Variants in SEPTIN11 observed in about 807,000 individuals in gnomAD.
SEPTIN11 encodes septin 11, also known as septin-11.
SEPTIN11 carries 25 observed loss-of-function variants against 51.4 expected under a neutral mutation model. The ratio of observed to expected loss-of-function variants is 0.49; its 90% confidence interval spans 0.35 to 0.68. The LOEUF (loss-of-function observed/expected upper bound fraction) is 0.68, where lower values mean the gene tolerates loss of function less well. Among genes scored for constraint, SEPTIN11 ranks in the 30% least tolerant of loss-of-function variants. The probability of loss-of-function intolerance (pLI) is 0.00; values close to 1 mark genes in which losing one functional copy is unlikely to be tolerated. For missense variants in SEPTIN11, 381 were observed against 520.8 expected (o/e 0.73, Z 2.61); for synonymous variants, 174 against 184.1 (o/e 0.95, Z 0.44).
intron 1 of SEPTIN11, among the ~76,000 whole-genome samples, chr4:76,981,266 A>C (rs890960865): frequency 1.3e-5 from 2 of 152,242 alleles, no homozygotes; most frequent in Admixed American, 6.5e-5. Flanking sequence ...AATGATAAAG[A>C]AAATGGCTCT....
chr4:76,993,034 T>C (rs1345025524), intron 1 of SEPTIN11, among the ~76,000 whole-genome samples: 2 of 137,584 alleles, frequency 1.5e-5, no homozygotes, highest in Non-Finnish European at 3.2e-5. Context: ...CGAGATCCCC[T>C]TGATGGCAAG....
intron 1 of SEPTIN11, among the ~76,000 whole-genome samples, chr4:76,994,768 G>A (rs1723573855): frequency 6.6e-6 from 1 of 152,012 alleles, no homozygotes. Flanking sequence ...CCTATATAGT[G>A]ACCACAAACA....
intron 1 of SEPTIN11, among the ~76,000 whole-genome samples, chr4:76,974,110 T>G (rs746657382): frequency 5.1e-4 from 77 of 152,180 alleles, no homozygotes; most frequent in Non-Finnish European, 9.1e-4. Flanking sequence ...ATCACTCACA[T>G]GTTGTCCCCT....
chr4:77,034,611 T>C lies in SEPTIN11; in HGVS notation c.*99T>C. The C allele has an allele frequency of 6.5e-6, 9 of 1,395,336 alleles. No individual in the cohort carries two copies. The highest frequency in any genetic ancestry group is 8.4e-6 in the Non-Finnish European group (9 of 1,073,730). 86.4% of individuals were successfully genotyped at this position (1,395,336 alleles called of 1,614,324 possible). A position where few individuals can be genotyped will look rare whatever the true frequency, so the allele number is the denominator to read the frequency against. ...TTTAGTTTTATTTTATTTTATTTTA[T>C]TTTTTTACCCTTCCTCAAACACCAG... On this transcript the variant is annotated 3_prime_UTR_variant, in exon 10 of 10. Transcript: ENST00000264893.
intron 4 of SEPTIN11, among the ~76,000 whole-genome samples, chr4:77,013,163 CTAT>C (rs1045424189): frequency 6.6e-6 from 1 of 152,098 alleles, no homozygotes; most frequent in African/African-American, 2.4e-5. Flanking sequence ...ATATCCAACA[CTAT>C]TATTATGTTT....
At position 77,026,911 on chromosome 4, in the gene SEPTIN11, A is replaced by G. The variant is rs77164617; in HGVS notation, c.954-1718A>G. 4.8e-3 allele frequency among the ~76,000 whole-genome samples: 727 copies of G among 152,268 alleles called. 8 individuals are homozygous for G. Among genetic ancestry groups the G allele is most frequent in the African/African-American group, 0.017 (692 of 41,536 alleles). On this transcript the variant is annotated intron_variant, in intron 7 of 9. Coordinates refer to ENST00000264893, the MANE Select transcript of SEPTIN11 (RefSeq NM_018243.4). ...CTTCTCTATATCTCCATTGCTATAG[A>G]TCTTAAACTTGAAGTCCAACTATTG...
intron 1 of SEPTIN11, among the ~76,000 whole-genome samples, chr4:76,965,984 A>G (rs1258718993): frequency 6.6e-6 from 1 of 151,748 alleles, no homozygotes; most frequent in East Asian, 1.9e-4. Flanking sequence ...CTGATGGACA[A>G]CTGCAAGCTT....
chr4:77,002,178 T>C (rs17002323), intron 2 of SEPTIN11, among the ~76,000 whole-genome samples: 1,602 of 152,350 alleles, frequency 0.011, 30 homozygotes, highest in African/African-American at 0.036. Flanking sequence ...GTGGTTTTTT[T>C]CAACCCATTG....
Position 77,024,826 on chromosome 4 carries a change from T to C in SEPTIN11, c.954-3803T>C, listed in dbSNP as rs577304523. On this transcript the variant is annotated intron_variant, in intron 7 of 9. Transcript: ENST00000264893. This position sits in a 1 kb window ranked among gnomAD's most constrained non-coding sequence, Gnocchi z 4.2. ...GTGACCTGGTCAAATTACCTGTGTG[T>C]CCAAGTTTCCCCATCTATAAAGTGG... Among the ~76,000 whole-genome samples, 1 of 152,288 alleles carries C rather than the reference T, an allele frequency of 6.6e-6. No homozygotes were observed. Among genetic ancestry groups the C allele is most frequent in the African/African-American group, 2.4e-5 (1 of 41,556 alleles).
intron 2 of SEPTIN11, among the ~76,000 whole-genome samples, chr4:76,999,325 A>AT (rs1560720523): frequency 6.6e-6 from 1 of 152,206 alleles, no homozygotes; most frequent in Non-Finnish European, 1.5e-5. Flanking sequence ...TGGTCCATCT[A>AT]TTTTTAAAAT....
intron 1 of SEPTIN11, among the ~76,000 whole-genome samples, chr4:76,979,920 G>A (rs1380889344): frequency 6.6e-6 from 1 of 152,066 alleles, no homozygotes; most frequent in Non-Finnish European, 1.5e-5. Context: ...AGTGGAAGGA[G>A]GGACATATTG....
At chr4:77,013,900 A>C (rs753674076) in intron 4 of SEPTIN11, among the ~76,000 whole-genome samples, 15 of 152,198 alleles carry the variant, frequency 9.9e-5, no homozygotes, top group Non-Finnish European at 2.1e-4. Flanking sequence ...GATGTCAGTA[A>C]CGTCTTATTG....
Position 77,034,741 on chromosome 4 carries a change from A to G in SEPTIN11, c.*229A>G, listed in dbSNP as rs1726917257. ...GTGCAGCTGGACTCTGTTTCCGGAAAGTAAATGATTTGCTTTTTATGCCTG... is the reference window on the plus strand; with the variant it reads ...GTGCAGCTGGACTCTGTTTCCGGAAGGTAAATGATTTGCTTTTTATGCCTG... On this transcript the variant is annotated 3_prime_UTR_variant, in exon 10 of 10. Transcript: ENST00000264893. The G allele has an allele frequency of 8.1e-7, 1 of 1,234,782 alleles. No individual in the cohort carries two copies. The highest frequency in any genetic ancestry group is 3.3e-5 in the South Asian group (1 of 30,124). 76.5% of individuals were successfully genotyped at this position (1,234,782 alleles called of 1,614,324 possible).
At chr4:76,979,071 G>T (rs1366826177) in intron 1 of SEPTIN11, among the ~76,000 whole-genome samples, 1 of 152,188 alleles carries the variant, frequency 6.6e-6, no homozygotes, top group African/African-American at 2.4e-5. Flanking sequence ...GAAATAAGTT[G>T]CTGCATTCAT....
chr4:77,014,265 A>G (rs1725064169), intron 4 of SEPTIN11, among the ~76,000 whole-genome samples: 1 of 152,204 alleles, frequency 6.6e-6, no homozygotes, highest in South Asian at 2.1e-4. Flanking sequence ...TGGCTAATAC[A>G]TAGGTTCTCC....
At chr4:77,031,282 T>G (rs1308259559) in intron 9 of SEPTIN11, 1 of 232,518 alleles carries the variant, frequency 4.3e-6, no homozygotes, top group Non-Finnish European at 8.2e-6. Context: ...TTCAGCACCC[T>G]CTGAAGACAA....
chr4:76,975,211 C>G (rs1254027320), intron 1 of SEPTIN11, among the ~76,000 whole-genome samples: 2 of 151,602 alleles, frequency 1.3e-5, no homozygotes, highest in Non-Finnish European at 2.9e-5. Flanking sequence ...TGGTGCCTCT[C>G]GTGTGTGTAT....
At chr4:76,964,552 C>A (rs537446050) in intron 1 of SEPTIN11, among the ~76,000 whole-genome samples, 8 of 152,198 alleles carry the variant, frequency 5.3e-5, no homozygotes, top group Admixed American at 2.6e-4. Context: ...TCAAACGTAT[C>A]TGTGATTTAA....
chr4:76,976,902 T>C (rs569528222), intron 1 of SEPTIN11, among the ~76,000 whole-genome samples: 5 of 152,344 alleles, frequency 3.3e-5, no homozygotes, highest in Admixed American at 2.6e-4. Flanking sequence ...CTGTCACTTA[T>C]AGCCAACCTA....
Sources: allele counts gnomAD v4.1 joint callset (sites outside exome capture counted in the v4.1 genomes callset), GRCh38; gene constraint gnomAD v4.1.1; non-coding constraint Gnocchi (gnomAD v3.1); transcripts MANE v1.5; gene names NCBI Gene and HGNC (gene_info 2026-07-23, HGNC 2026-07-21).